The following ARMH3 variants were observed in gnomAD, a reference collection of about 807,000 sequenced individuals.
The protein encoded by ARMH3 is armadillo like helical domain containing 3, also known as armadillo-like helical domain-containing protein 3.
In ARMH3, 60 loss-of-function variants were observed where a neutral mutation model predicts 99.1. The ratio of observed to expected loss-of-function variants is 0.61; its 90% CI spans 0.49 to 0.75. ARMH3 has a LOEUF of 0.75. Ranked by LOEUF, ARMH3 falls within the 30% of genes least tolerant of loss-of-function variation. ARMH3 has a pLI of 0.00. For synonymous variants in ARMH3, 285 were observed against 292.8 expected, an observed-to-expected ratio of 0.97 and a Z score of 0.27; for missense variants, 679 against 843.1, an observed-to-expected ratio of 0.81 and a Z score of 2.41.
chr10:101,997,044 C>A (rs935255770), intron 15 of ARMH3, among the ~76,000 whole-genome samples: 1 of 152,112 alleles, frequency 6.6e-6, no homozygotes, highest in Non-Finnish European at 1.5e-5. Context: ...GTGGGATGAT[C>A]ACCTGAGGTC....
At chr10:102,022,220 C>T (rs2066900947) in intron 8 of ARMH3, among the ~76,000 whole-genome samples, 1 of 151,946 alleles carries the variant, frequency 6.6e-6, no homozygotes, top group South Asian at 2.1e-4. Context: ...TTAAGTGACA[C>T]ATGACCACAA....
At chr10:102,011,805 C>T in intron 10 of ARMH3, 22 bp from the exon 11 acceptor site, 1 of 1,581,426 alleles carries the variant, frequency 6.3e-7, no homozygotes, top group Non-Finnish European at 8.7e-7. Flanking sequence ...GAACTAAATT[C>T]AACTTTAGGA....
chr10:101,918,676 T>C (rs1843182693), intron 23 of ARMH3, among the ~76,000 whole-genome samples: 1 of 152,216 alleles, frequency 6.6e-6, no homozygotes, highest in African/African-American at 2.4e-5. Context: ...AATAAAATAC[T>C]ATGCATTTTT....
chr10:102,011,665 C>T, intron 11 of ARMH3, 58 bp downstream of exon 11: 1 of 1,441,270 alleles, frequency 6.9e-7, no homozygotes, highest in Non-Finnish European at 9.6e-7. Context: ...ATTTGTCCAC[C>T]CCTGCAGACC....
intron 23 of ARMH3, among the ~76,000 whole-genome samples, chr10:101,918,239 A>G (rs544986306): frequency 2.0e-4 from 30 of 152,240 alleles, no homozygotes; most frequent in Admixed American, 3.3e-4. Context: ...TTTTTAGTAG[A>G]GACGGGGTTT....
intron 19 of ARMH3, among the ~76,000 whole-genome samples, chr10:101,979,931 T>C (rs1846157494): frequency 6.6e-6 from 1 of 152,216 alleles, no homozygotes; most frequent in Non-Finnish European, 1.5e-5. Context: ...GGTTTCTAAA[T>C]GGCCTAAAAT....
At chr10:102,037,849 A>G (rs545126140) in intron 2 of ARMH3, among the ~76,000 whole-genome samples, 5 of 152,080 alleles carry the variant, frequency 3.3e-5, no homozygotes, top group African/African-American at 7.2e-5. Flanking sequence ...TCAGCCTCCC[A>G]GGGTAGCTGG....
At chr10:102,055,712 C>A (rs1005806789) in intron 1 of ARMH3, among the ~76,000 whole-genome samples, 2 of 152,194 alleles carry the variant, frequency 1.3e-5, no homozygotes, top group Non-Finnish European at 2.9e-5. Context: ...TACGCCCGCA[C>A]CCCAGGACCA....
chr10:101,899,042 A>G (rs538070887), intron 23 of ARMH3, among the ~76,000 whole-genome samples: 7 of 152,352 alleles, frequency 4.6e-5, no homozygotes, highest in African/African-American at 1.7e-4. Flanking sequence ...GCAAGGCTTT[A>G]GAGAAAGGAG....
chr10:101,942,033 C>A (rs1844264464), intron 22 of ARMH3, among the ~76,000 whole-genome samples: 2 of 152,128 alleles, frequency 1.3e-5, no homozygotes, highest in Non-Finnish European at 2.9e-5. Context: ...AATATCCTGT[C>A]AGCTCTGTTC....
chr10:101,902,592 A>G (rs531010848), intron 23 of ARMH3, among the ~76,000 whole-genome samples: 18 of 152,200 alleles, frequency 1.2e-4, no homozygotes, highest in Non-Finnish European at 2.2e-4. Context: ...CAGGTCTAGA[A>G]CAAGAGCAAA....
At chr10:102,026,462 C>T (rs2067004081) in intron 5 of ARMH3, among the ~76,000 whole-genome samples, 1 of 152,182 alleles carries the variant, frequency 6.6e-6, no homozygotes, top group African/African-American at 2.4e-5. Context: ...ATGGAATTTG[C>T]TCTAAAGTCA....
chr10:101,901,355 G>A (rs2135498447), intron 23 of ARMH3, among the ~76,000 whole-genome samples: 1 of 152,032 alleles, frequency 6.6e-6, no homozygotes, highest in East Asian at 1.9e-4. Flanking sequence ...CATCCCAGGG[G>A]GACCTTTTAG....
intron 20 of ARMH3, among the ~76,000 whole-genome samples, chr10:101,972,757 A>G (rs1184159561): frequency 6.6e-6 from 1 of 152,236 alleles, no homozygotes; most frequent in Non-Finnish European, 1.5e-5. Flanking sequence ...CCTATACAGG[A>G]AAAGGAGCTA....
At chr10:101,883,713 T>A (rs2067471091) in intron 24 of ARMH3, among the ~76,000 whole-genome samples, 1 of 151,794 alleles carries the variant, frequency 6.6e-6, no homozygotes, top group Non-Finnish European at 1.5e-5. Flanking sequence ...AAAATCAGAG[T>A]GCAGCCTGGT....
At chr10:102,017,452 C>T (rs1409441947) in intron 8 of ARMH3, among the ~76,000 whole-genome samples, 1 of 152,142 alleles carries the variant, frequency 6.6e-6, no homozygotes, top group Admixed American at 6.6e-5. Context: ...TTCAGAGAGC[C>T]CTACTGAGCT....
rs1366252527 is a variant in ARMH3 at position 101,845,942 on chromosome 10, T to C, written c.*1586A>G. 1 of 152,224 alleles carries C rather than the reference T, an allele frequency of 6.6e-6. No individual in the cohort carries two copies. The highest frequency in any genetic ancestry group is 1.5e-5 in the Non-Finnish European group (1 of 68,060). The allele number at this position is 152,224 out of a possible 1,614,324, so 9.4% of individuals were successfully genotyped here. A position where few individuals can be genotyped will look rare whatever the true frequency, so the allele number is the denominator to read the frequency against. ...TGAATTCCTGCACTTACTCCTAGAATATACCAGTGCTGTTTGCTCCCGCCA... is the reference window on the plus strand; with the variant it reads ...TGAATTCCTGCACTTACTCCTAGAACATACCAGTGCTGTTTGCTCCCGCCA... On this transcript the variant is annotated 3_prime_UTR_variant, in exon 26 of 26. Transcript: ENST00000370033.
chr10:102,055,305 A>ATAAC, intron 1 of ARMH3, among the ~76,000 whole-genome samples: 1 of 151,460 alleles, frequency 6.6e-6, no homozygotes, highest in East Asian at 1.9e-4. Flanking sequence ...CTCAAAATAA[A>ATAAC]TAAATAAATA....
In ARMH3 at chr10:101,861,877, CAA is replaced by C. The variant is rs36095929; in HGVS notation, c.1861-11987_1861-11986del. Among the ~76,000 whole-genome samples the C allele has an allele frequency of 3.6e-3, 335 of 93,994 alleles. 3 individuals are homozygous for C. Among genetic ancestry groups the C allele is most frequent in the African/African-American group, 0.012 (280 of 24,022 alleles). 61.7% of individuals were successfully genotyped at this position (93,994 alleles called of 152,430 possible). ...GAAACGCCATCCCTACTAAAAATAC[CAA>C]AAAAAAAAAAAAAAAAAAAAATTAG... On this transcript the variant is annotated intron_variant, in intron 24 of 25. Coordinates refer to ENST00000370033, the MANE Select transcript of ARMH3 (RefSeq NM_024541.3).
Sources: allele counts gnomAD v4.1 joint callset (sites outside exome capture counted in the v4.1 genomes callset), GRCh38; gene constraint gnomAD v4.1.1; transcripts MANE v1.5; gene names NCBI Gene and HGNC (gene_info 2026-07-23, HGNC 2026-07-21).